The following GTF3C2 variants were observed in gnomAD, a reference collection of about 807,000 sequenced individuals.
The protein encoded by GTF3C2 is general transcription factor IIIC subunit 2.
In GTF3C2, 17 loss-of-function variants were observed where a neutral mutation model predicts 117.4. The observed-to-expected ratio is 0.14, with a 90% CI of 0.10 to 0.22. The LOEUF (loss-of-function observed/expected upper bound fraction) is 0.22, where lower values mean the gene tolerates loss of function less well. GTF3C2 is among the 10% of genes least tolerant of loss of function. The pLI, the probability that GTF3C2 is intolerant of heterozygous loss-of-function variation, is 1.00. For synonymous variants in GTF3C2, 437 were observed against 427.0 expected (o/e 1.02, Z -0.29); for missense variants, 888 against 1,143.6 (o/e 0.78, Z 3.22).
intron 4 of GTF3C2, among the ~76,000 whole-genome samples, chr2:27,338,651 C>T (rs1572573089): frequency 6.6e-6 from 1 of 152,174 alleles, no homozygotes; most frequent in African/African-American, 2.4e-5. Flanking sequence ...ATCCTCTCAC[C>T]TCTGCCTCCT....
chr2:27,328,660 C>G, intron 15 of GTF3C2, 64 bp from the exon 16 acceptor site: 1 of 1,363,558 alleles, frequency 7.3e-7, no homozygotes, highest in Non-Finnish European at 1.0e-6. Context: ...CTGGTAACAG[C>G]TGCACAGTCT....
chr2:27,333,839 C>T (rs779878018), intron 11 of GTF3C2, 55 bp from the exon 12 acceptor site: 37 of 1,567,750 alleles, frequency 2.4e-5, no homozygotes, highest in Admixed American at 1.0e-4. Flanking sequence ...CTGTTTGGAA[C>T]GAAAGCTCAA....
chr2:27,328,456 T>C lies in GTF3C2; in HGVS notation c.2256+12A>G. On this transcript the variant is annotated intron_variant, in intron 16 of 18. Coordinates refer to ENST00000264720, the Ensembl canonical transcript of GTF3C2. ...GGATCCAACAGCTGCTGTTAGATGTTCGTATACGTACAAATCTTCGCTCTA... is the reference window on the plus strand; with the variant it reads ...GGATCCAACAGCTGCTGTTAGATGTCCGTATACGTACAAATCTTCGCTCTA... 1 of 1,613,676 alleles carries C rather than the reference T, an allele frequency of 6.2e-7. No individual in the cohort carries two copies. Among genetic ancestry groups the C allele is most frequent in the Non-Finnish European group, 8.5e-7 (1 of 1,179,570 alleles).
chr2:27,350,204 A>G (rs1443277693), intron 1 of GTF3C2: 1 of 153,198 alleles, frequency 6.5e-6, no homozygotes, highest in East Asian at 1.9e-4. Context: ...ACTACACGGT[A>G]TTAAACAGTT....
exon 3 of GTF3C2, chr2:27,342,997 T>C (rs1680789830): frequency 6.2e-7 from 1 of 1,614,024 alleles, no homozygotes; most frequent in African/African-American, 1.3e-5. Context: ...GGACAGAGGG[T>C]TGGATTGATC....
exon 19 of GTF3C2, chr2:27,325,899 CAT>C (rs1680058393): frequency 5.7e-6 from 1 of 176,730 alleles, no homozygotes; most frequent in African/African-American, 2.4e-5. Context: ...TTGGGAAACA[CAT>C]GATAGCTATG....
At chr2:27,340,249 CTCT>C (rs1354901210) in intron 4 of GTF3C2, 2 of 152,040 alleles carry the variant, frequency 1.3e-5, no homozygotes, top group Admixed American at 6.6e-5. Flanking sequence ...CCTTACATAT[CTCT>C]TCTTTTTTTA....
intron 18 of GTF3C2, 46 bp from the exon 19 acceptor site, chr2:27,326,939 CT>C: frequency 7.8e-7 from 1 of 1,274,454 alleles, no homozygotes; most frequent in Non-Finnish European, 1.1e-6. Flanking sequence ...ATGGGTGGTG[CT>C]TTAGGGTGAC....
At chr2:27,328,016 A>G (rs1176573425) in intron 17 of GTF3C2, 21 bp downstream of exon 17, 2 of 1,596,680 alleles carry the variant, frequency 1.3e-6, no homozygotes, top group African/African-American at 1.4e-5. Context: ...TACCACACCC[A>G]TTCTCCTGGC....
At chr2:27,337,249 T>A (rs748258663) in exon 7 of GTF3C2, 1 of 1,589,652 alleles carries the variant, frequency 6.3e-7, no homozygotes, top group South Asian at 1.1e-5. Context: ...TTCACCTGTT[T>A]ATTCGGTAGA....
chr2:27,356,196 G>T, intron 1 of GTF3C2: 1 of 817,412 alleles, frequency 1.2e-6, no homozygotes, highest in Non-Finnish European at 1.8e-6. Flanking sequence ...ACTAGACAGG[G>T]AAACACAACT....
chr2:27,348,551 C>A (rs1681001735), intron 1 of GTF3C2, among the ~76,000 whole-genome samples: 1 of 152,168 alleles, frequency 6.6e-6, no homozygotes, highest in Non-Finnish European at 1.5e-5. Flanking sequence ...TGCCTGTATT[C>A]CCAGTATGTT....
intron 10 of GTF3C2, among the ~76,000 whole-genome samples, chr2:27,334,494 C>T (rs548369981): frequency 6.6e-6 from 1 of 152,166 alleles, no homozygotes; most frequent in Non-Finnish European, 1.5e-5. Context: ...CTGTGTCATC[C>T]ACTTGTTCCC....
At chr2:27,336,666 G>A (rs1046923425) in intron 7 of GTF3C2, 1 of 462,564 alleles carries the variant, frequency 2.2e-6, no homozygotes, top group Non-Finnish European at 3.9e-6. Context: ...GGAGTGCAGT[G>A]GCATGATCGA....
At chr2:27,334,266 C>G (rs1680378711) in intron 10 of GTF3C2, among the ~76,000 whole-genome samples, 1 of 151,882 alleles carries the variant, frequency 6.6e-6, no homozygotes, top group Non-Finnish European at 1.5e-5. Flanking sequence ...GCAACCAATC[C>G]TTTGAATAAT....
chr2:27,343,254 T>C, intron 2 of GTF3C2, 54 bp downstream of exon 2: 2 of 1,579,226 alleles, frequency 1.3e-6, no homozygotes, highest in Non-Finnish European at 1.7e-6. Context: ...CAATCTGCTC[T>C]TTCATCTTAA....
Position 27,328,612 on chromosome 2 carries a change from A to G in GTF3C2, c.2128-16T>C. The G allele has an allele frequency of 6.2e-7, 1 of 1,602,742 alleles. No homozygotes were observed. Among genetic ancestry groups the G allele is most frequent in the Non-Finnish European group, 8.5e-7 (1 of 1,170,068 alleles). On this transcript the variant is annotated splice_polypyrimidine_tract_variant and intron_variant, in intron 15 of 18. Coordinates refer to ENST00000264720, the Ensembl canonical transcript of GTF3C2. ...CTGAAAGACTCTAATAGAAAGAGAC[A>G]GATTTCATTCATTCATATATTCATT...
exon 2 of GTF3C2, chr2:27,343,501 C>A (rs754041981): frequency 6.2e-7 from 1 of 1,613,950 alleles, no homozygotes; most frequent in South Asian, 1.1e-5. Context: ...CAGTCATGTT[C>A]CCCACGGGGC....
chr2:27,328,660 C>T (rs1017087468), intron 15 of GTF3C2, 64 bp from the exon 16 acceptor site: 8 of 1,363,438 alleles, frequency 5.9e-6, no homozygotes, highest in Admixed American at 1.8e-5. Flanking sequence ...CTGGTAACAG[C>T]TGCACAGTCT....
Sources: allele counts gnomAD v4.1 joint callset (sites outside exome capture counted in the v4.1 genomes callset), GRCh38; gene constraint gnomAD v4.1.1; transcripts MANE v1.5; gene names NCBI Gene and HGNC (gene_info 2026-07-23, HGNC 2026-07-21).